FRMD4A: variants seen among roughly 807,000 people sequenced by gnomAD.
The protein encoded by FRMD4A is FERM domain containing 4A.
Under a neutral mutation model 129.1 loss-of-function variants are expected in FRMD4A, and 29 were observed. That is an observed-to-expected ratio of 0.22 (90% confidence interval 0.17 to 0.31). The LOEUF (loss-of-function observed/expected upper bound fraction) is 0.31, where lower values mean the gene tolerates loss of function less well. Ranked by LOEUF, FRMD4A falls within the 10% of genes least tolerant of loss-of-function variation. FRMD4A has a pLI of 1.00. For synonymous variants in FRMD4A, 634 were observed against 571.6 expected, an observed-to-expected ratio of 1.11 and a Z score of -1.56; for missense variants, 1,272 against 1,375.8, an observed-to-expected ratio of 0.92 and a Z score of 1.19.
At chr10:13,933,219 G>A (rs559706518) in intron 2 of FRMD4A, among the ~76,000 whole-genome samples, 14 of 152,158 alleles carry the variant, frequency 9.2e-5, no homozygotes, top group Non-Finnish European at 1.3e-4. Flanking sequence ...AACATAAAGC[G>A]GATGAACACT....
At chr10:13,695,225 C>T (rs960865562) in intron 14 of FRMD4A, among the ~76,000 whole-genome samples, 3 of 152,028 alleles carry the variant, frequency 2.0e-5, no homozygotes, top group African/African-American at 7.3e-5. Context: ...TCTGCAACCT[C>T]TGCCTCCTGG....
rs562849976 is a variant in FRMD4A, at chr10:14,177,657, G to A, written c.45+152401C>T. On this transcript the variant is annotated intron_variant, in intron 2 of 24. Transcript: ENST00000357447. ...ACTATGCCAAGGTTAAACAAAATTCGACTGATTGCATGTTTAAGGCCGGTT... is the reference window on the plus strand; with the variant it reads ...ACTATGCCAAGGTTAAACAAAATTCAACTGATTGCATGTTTAAGGCCGGTT... 6.6e-5 allele frequency among the ~76,000 whole-genome samples: 10 copies of A among 152,252 alleles called. No individual in the cohort carries two copies. The South Asian group carries it at 8.3e-4, about 13-fold the overall frequency.
chr10:13,886,086 T>C (rs1049853972), intron 2 of FRMD4A, among the ~76,000 whole-genome samples: 1 of 152,126 alleles, frequency 6.6e-6, no homozygotes, highest in African/African-American at 2.4e-5. Flanking sequence ...TTTTATCACA[T>C]CTATATACTT....
At chr10:13,797,931 A>G (rs1221452201) in intron 4 of FRMD4A, among the ~76,000 whole-genome samples, 1 of 145,344 alleles carries the variant, frequency 6.9e-6, no homozygotes, top group African/African-American at 2.5e-5. Context: ...AAAAAAAAAA[A>G]AATCCCCCTC....
rs376842409 is a variant in FRMD4A at position 14,272,648 on chromosome 10, T to A, written c.45+57410A>T. Among the ~76,000 whole-genome samples the A allele has an allele frequency of 2.0e-5, 3 of 152,326 alleles. No homozygotes were observed. In the South Asian group the frequency reaches 6.2e-4, roughly 32 times the overall value. ...AACTGGCTCATGGTTCTGCAGGCTG[T>A]ACAGGAAGCATAACAACCTAGTGCA... On this transcript the variant is annotated intron_variant, in intron 2 of 24. Transcript: ENST00000357447.
intron 2 of FRMD4A, among the ~76,000 whole-genome samples, chr10:14,206,579 C>T (rs1842786212): frequency 6.6e-6 from 1 of 152,004 alleles, no homozygotes; most frequent in Non-Finnish European, 1.5e-5. Context: ...AGGAGGATCA[C>T]TTGAGGTCAG....
At chr10:13,765,101 A>ATTTTTTTTTTTGT (rs2092233025) in intron 6 of FRMD4A, among the ~76,000 whole-genome samples, 2 of 125,274 alleles carry the variant, frequency 1.6e-5, no homozygotes, top group Non-Finnish European at 3.3e-5. Flanking sequence ...TCAAGGATTG[A>ATTTTTTTTTTTGT]TTTTTTTTTT....
intron 2 of FRMD4A, among the ~76,000 whole-genome samples, chr10:13,957,201 A>C (rs2095414592): frequency 6.6e-6 from 1 of 152,232 alleles, no homozygotes; most frequent in African/African-American, 2.4e-5. Flanking sequence ...AAACAGGCAG[A>C]GACCTTAGGG....
chr10:14,126,095 A>C (rs1474180522), intron 2 of FRMD4A, among the ~76,000 whole-genome samples: 1 of 152,060 alleles, frequency 6.6e-6, no homozygotes, highest in Non-Finnish European at 1.5e-5. Context: ...GTCCAAAAGG[A>C]AAAATTAGGG....
At chr10:14,084,733 G>T (rs1836157435) in intron 2 of FRMD4A, among the ~76,000 whole-genome samples, 1 of 152,100 alleles carries the variant, frequency 6.6e-6, no homozygotes. Context: ...CAGACAACTA[G>T]GACCCCCCAT....
intron 2 of FRMD4A, among the ~76,000 whole-genome samples, chr10:14,303,404 G>A (rs1846248627): frequency 1.3e-5 from 2 of 152,174 alleles, no homozygotes; most frequent in Non-Finnish European, 2.9e-5. Flanking sequence ...GTGGGCTGTG[G>A]GCGCTAGGGC....
At chr10:14,103,669 A>G (rs968469464) in intron 2 of FRMD4A, among the ~76,000 whole-genome samples, 2 of 152,202 alleles carry the variant, frequency 1.3e-5, no homozygotes, top group Non-Finnish European at 2.9e-5. Context: ...ATTTATTTCA[A>G]ATATCAGGCT....
intron 2 of FRMD4A, among the ~76,000 whole-genome samples, chr10:14,122,715 T>C (rs1111730): frequency 0.74 from 112,070 of 151,944 alleles, 41,769 homozygotes; most frequent in African/African-American, 0.85. Context: ...GAAACCACCC[T>C]CATGAACAAA....
chr10:13,713,836 G>A (rs56755872), intron 12 of FRMD4A, among the ~76,000 whole-genome samples: 3 of 4,550 alleles, frequency 6.6e-4, no homozygotes, highest in Non-Finnish European at 6.5e-4. Flanking sequence ...ATACATATAT[G>A]TAATATATAT....
At chr10:14,184,288 C>A (rs1247488406) in intron 2 of FRMD4A, among the ~76,000 whole-genome samples, 3 of 103,658 alleles carry the variant, frequency 2.9e-5, no homozygotes, top group South Asian at 3.5e-4. Flanking sequence ...CATACCACCA[C>A]AACCGGTTAA....
intron 6 of FRMD4A, among the ~76,000 whole-genome samples, chr10:13,776,618 C>T (rs1203266557): frequency 2.0e-5 from 3 of 152,206 alleles, no homozygotes; most frequent in African/African-American, 7.2e-5. Context: ...TCATCTATTA[C>T]TTTGATAGAA....
intron 6 of FRMD4A, among the ~76,000 whole-genome samples, chr10:13,781,783 A>G (rs73595122): frequency 0.048 from 7,310 of 151,106 alleles, 412 homozygotes; most frequent in African/African-American, 0.13. Flanking sequence ...GGTTAAATTC[A>G]TGGAGACAAA....
At chr10:13,989,895 G>T (rs2095597403) in intron 2 of FRMD4A, among the ~76,000 whole-genome samples, 1 of 152,196 alleles carries the variant, frequency 6.6e-6, no homozygotes, top group South Asian at 2.1e-4. Context: ...ATGTAACTGG[G>T]CATCCTGTAT....
At chr10:14,235,529 T>C (rs996337814) in intron 2 of FRMD4A, among the ~76,000 whole-genome samples, 4 of 152,156 alleles carry the variant, frequency 2.6e-5, no homozygotes, top group Non-Finnish European at 5.9e-5. Context: ...GTTTACACTA[T>C]AATACATCTT....
Sources: gnomAD v4.1 joint callset for allele counts (sites outside exome capture counted in the v4.1 genomes callset) on GRCh38, gnomAD v4.1.1 for gene constraint, MANE v1.5 for transcripts, NCBI Gene and HGNC (gene_info 2026-07-23, HGNC 2026-07-21) for gene names.